Variants in ZNF804A observed in about 807,000 individuals in gnomAD.
ZNF804A encodes zinc finger protein 804A.
A neutral mutation model predicts 16.5 loss-of-function variants in ZNF804A; 2 were observed. The observed-to-expected ratio is 0.12, with a 90% CI of 0.05 to 0.38. The LOEUF (loss-of-function observed/expected upper bound fraction) is 0.38. ZNF804A is among the 10% of genes least tolerant of loss of function. The pLI is 0.99. For missense variants in ZNF804A, 1,473 were observed against 1,390.7 expected, an observed-to-expected ratio of 1.06 and a Z score of -0.94; for synonymous variants, 534 against 489.6, an observed-to-expected ratio of 1.09 and a Z score of -1.20.
intron 1 of ZNF804A, among the ~76,000 whole-genome samples, chr2:184,710,165 A>G (rs1000508328): frequency 6.6e-6 from 1 of 151,418 alleles, no homozygotes; most frequent in Admixed American, 6.6e-5. Context: ...TATAATTGAC[A>G]CACAGTAAAC....
intron 1 of ZNF804A, among the ~76,000 whole-genome samples, chr2:184,646,756 A>G (rs1014935495): frequency 1.3e-5 from 2 of 152,374 alleles, no homozygotes; most frequent in African/African-American, 2.4e-5. Flanking sequence ...ACTTGAGGCC[A>G]TGGAGATTTC....
At chr2:184,695,465 T>TAA (rs779929990) in intron 1 of ZNF804A, among the ~76,000 whole-genome samples, 764 of 51,800 alleles carry the variant, frequency 0.015, 44 homozygotes, top group African/African-American at 0.047. Context: ...ACTCCGTCAT[T>TAA]AAAAAAAAAA....
chr2:184,661,538 G>A (rs1264697228), intron 1 of ZNF804A, among the ~76,000 whole-genome samples: 1 of 152,234 alleles, frequency 6.6e-6, no homozygotes, highest in African/African-American at 2.4e-5. Context: ...ACGAAGCTGA[G>A]TCCAGAGGTT....
chr2:184,626,701 A>G (rs1171329789), intron 1 of ZNF804A, among the ~76,000 whole-genome samples: 1 of 152,168 alleles, frequency 6.6e-6, no homozygotes. Context: ...TCTTATTACT[A>G]GAATGTTTGT....
chr2:184,905,840 T>G (rs914754295), intron 2 of ZNF804A, among the ~76,000 whole-genome samples: 2 of 152,200 alleles, frequency 1.3e-5, no homozygotes, highest in Non-Finnish European at 2.9e-5. Context: ...GCTGTTCCAA[T>G]TTAAAATTGA....
At chr2:184,890,183 A>T (rs1684958569) in intron 2 of ZNF804A, among the ~76,000 whole-genome samples, 1 of 151,946 alleles carries the variant, frequency 6.6e-6, no homozygotes, top group South Asian at 2.1e-4. Flanking sequence ...GGTTAAAAAA[A>T]CTTCTTTTTA....
At chr2:184,627,746 A>C (rs1691528795) in intron 1 of ZNF804A, among the ~76,000 whole-genome samples, 1 of 152,214 alleles carries the variant, frequency 6.6e-6, no homozygotes. Context: ...ATAGGTAGCT[A>C]AGAGACATTA....
intron 1 of ZNF804A, among the ~76,000 whole-genome samples, chr2:184,696,757 T>G (rs1461806999): frequency 6.6e-6 from 1 of 152,078 alleles, no homozygotes; most frequent in East Asian, 1.9e-4. Context: ...ATAGTTGGTT[T>G]TCATTCCTTA....
intron 1 of ZNF804A, among the ~76,000 whole-genome samples, chr2:184,680,283 T>C (rs1415223309): frequency 1.3e-5 from 2 of 151,344 alleles, no homozygotes; most frequent in African/African-American, 4.9e-5. Context: ...GCTGAACAGA[T>C]GTGGGGAGGA....
In ZNF804A at chr2:184,800,541, G is replaced by A. The variant is rs191725360; in HGVS notation, c.112-65828G>A. Among the ~76,000 whole-genome samples the A allele has an allele frequency of 2.5e-4, 38 of 151,416 alleles. No homozygotes were observed. In the East Asian group the frequency reaches 7.0e-3, roughly 28 times the overall value. On this transcript the variant is annotated intron_variant, in intron 1 of 3. Coordinates refer to ENST00000302277, the MANE Select transcript of ZNF804A (RefSeq NM_194250.2). ...TCAAGACTTTTTCTTTGACCTGTAT[G>A]TTACTTAAAAGTATTTTTTGGATCT... is the stretch of plus-strand genomic sequence containing the variant.
intron 2 of ZNF804A, among the ~76,000 whole-genome samples, chr2:184,889,257 T>C (rs1190931207): frequency 6.6e-6 from 1 of 152,010 alleles, no homozygotes; most frequent in African/African-American, 2.4e-5. Flanking sequence ...TTTTTAACCT[T>C]GTTTTAAGGA....
chr2:184,866,678 CT>C lies in ZNF804A; in HGVS notation c.255+180del, dbSNP rs757475454. On this transcript the variant is annotated intron_variant, in intron 2 of 3. Coordinates refer to ENST00000302277, the MANE Select transcript of ZNF804A (RefSeq NM_194250.2). ...TAATTTGATGACTTACAGCAAAATC[CT>C]TTTTTTTTTTTTTAAAAAAAAAGGC... is the stretch of plus-strand genomic sequence containing the variant. Among the ~76,000 whole-genome samples, 584 of 138,998 alleles carry C rather than the reference CT, an allele frequency of 4.2e-3. 1 individual carries two copies. The highest frequency in any genetic ancestry group is 0.013 in the Middle Eastern group (3 of 236). The allele number at this position is 138,998 out of a possible 152,430, so 91.2% of individuals were successfully genotyped here.
At chr2:184,726,714 G>T (rs1693418139) in intron 1 of ZNF804A, among the ~76,000 whole-genome samples, 1 of 151,306 alleles carries the variant, frequency 6.6e-6, no homozygotes, top group South Asian at 2.1e-4. Context: ...ATGACTCCAA[G>T]AATTTACATT....
chr2:184,761,130 C>T (rs538372622), intron 1 of ZNF804A, among the ~76,000 whole-genome samples: 12 of 152,180 alleles, frequency 7.9e-5, no homozygotes, highest in African/African-American at 2.9e-4. Context: ...TTTACTACCT[C>T]AGCATATTTT....
intron 1 of ZNF804A, among the ~76,000 whole-genome samples, chr2:184,714,586 A>C (rs1007534524): frequency 6.6e-6 from 1 of 152,150 alleles, no homozygotes; most frequent in Non-Finnish European, 1.5e-5. Context: ...CTAAGAAAGC[A>C]TTCAGAGAAC....
chr2:184,821,237 T>C (rs1169185997), intron 1 of ZNF804A, among the ~76,000 whole-genome samples: 1 of 151,772 alleles, frequency 6.6e-6, no homozygotes, highest in African/African-American at 2.4e-5. Context: ...TGGAACAAAA[T>C]AGATAACTCA....
In ZNF804A at chr2:184,743,594, C is replaced by T. The variant is rs190632778; in HGVS notation, c.112-122775C>T. ...TTAAAATTCTAAATGAAACTGCATA[C>T]GTGGAATGCATTGCATGACACTATA... is the stretch of plus-strand genomic sequence containing the variant. On this transcript the variant is annotated intron_variant, in intron 1 of 3. Coordinates refer to ENST00000302277, the MANE Select transcript of ZNF804A (RefSeq NM_194250.2). Among the ~76,000 whole-genome samples, 476 of 151,854 alleles carry T rather than the reference C, an allele frequency of 3.1e-3. 3 individuals are homozygous for T. Among genetic ancestry groups the T allele is most frequent in the Non-Finnish European group, 5.0e-3 (337 of 67,852 alleles).
At chr2:184,769,490 A>T (rs1694179891) in intron 1 of ZNF804A, among the ~76,000 whole-genome samples, 1 of 152,224 alleles carries the variant, frequency 6.6e-6, no homozygotes, top group Non-Finnish European at 1.5e-5. Flanking sequence ...AACATGTTGA[A>T]GCGTTGAATA....
At chr2:184,809,529 G>A (rs1039503627) in intron 1 of ZNF804A, among the ~76,000 whole-genome samples, 142 of 151,848 alleles carry the variant, frequency 9.4e-4, no homozygotes, top group African/African-American at 3.3e-3. Flanking sequence ...AAAAGACACA[G>A]TTGAAGTATT....
Sources: gnomAD v4.1 joint callset for allele counts (sites outside exome capture counted in the v4.1 genomes callset) on GRCh38, gnomAD v4.1.1 for gene constraint, MANE v1.5 for transcripts, NCBI Gene and HGNC (gene_info 2026-07-23, HGNC 2026-07-21) for gene names.